CNTNAP2: variants seen among roughly 807,000 people sequenced by gnomAD.
CNTNAP2 encodes the protein contactin associated protein 2.
A neutral mutation model predicts 155.2 loss-of-function variants in CNTNAP2; 98 were observed. The observed-to-expected ratio is 0.63, with a 90% confidence interval of 0.54 to 0.75. The LOEUF (loss-of-function observed/expected upper bound fraction) is 0.75, where lower values mean the gene tolerates loss of function less well. Ranked by LOEUF, CNTNAP2 falls within the 30% of genes least tolerant of loss-of-function variation. The pLI, the probability that CNTNAP2 is intolerant of heterozygous loss-of-function variation, is 0.00. For missense variants in CNTNAP2, 1,727 were observed against 1,688.1 expected (o/e 1.02, Z -0.40); for synonymous variants, 651 against 631.2 (o/e 1.03, Z -0.47).
intron 9 of CNTNAP2, among the ~76,000 whole-genome samples, chr7:147,308,048 G>A (rs916331527): frequency 6.6e-6 from 1 of 152,128 alleles, no homozygotes; most frequent in African/African-American, 2.4e-5. Context: ...TTCTTGGGAG[G>A]GGATTGAGGA....
intron 15 of CNTNAP2, among the ~76,000 whole-genome samples, chr7:148,094,463 T>TG (rs755556079): frequency 9.3e-4 from 141 of 152,292 alleles, no homozygotes; most frequent in Non-Finnish European, 2.0e-3. Context: ...ATTTGTGATG[T>TG]GTGTTGCTAA....
In CNTNAP2 at chr7:147,344,061, A is replaced by G. The variant is rs1024875642; in HGVS notation, c.1498+43771A>G. Among the ~76,000 whole-genome samples, 15 of 149,568 alleles carry G rather than the reference A, an allele frequency of 1.0e-4. 1 individual carries two copies. The highest frequency in any genetic ancestry group is 3.4e-3 in the Middle Eastern group (1 of 294). ...GTAGATGATTTGCTGAGGCTAAGGG[A>G]GGTTAAGCGACTCTGAAAAGATACC... On this transcript the variant is annotated intron_variant, in intron 9 of 23. Coordinates refer to ENST00000361727, the MANE Select transcript of CNTNAP2 (RefSeq NM_014141.6).
At chr7:147,857,335 A>G (rs1435274436) in intron 13 of CNTNAP2, among the ~76,000 whole-genome samples, 1 of 152,212 alleles carries the variant, frequency 6.6e-6, no homozygotes, top group Non-Finnish European at 1.5e-5. Context: ...TCAGTCTTTT[A>G]AAATGGGTTT....
chr7:146,925,715 A>G (rs908676651), intron 3 of CNTNAP2, among the ~76,000 whole-genome samples: 1 of 152,170 alleles, frequency 6.6e-6, no homozygotes, highest in African/African-American at 2.4e-5. Context: ...TCTAAGCTCT[A>G]TTAAATTCCA....
chr7:147,749,081 G>C (rs1797093208), intron 13 of CNTNAP2, among the ~76,000 whole-genome samples: 1 of 152,082 alleles, frequency 6.6e-6, no homozygotes, highest in Non-Finnish European at 1.5e-5. Context: ...AAATGCAATT[G>C]GTTATACAAT....
At chr7:146,628,742 G>A (rs555197143) in intron 1 of CNTNAP2, among the ~76,000 whole-genome samples, 1 of 152,168 alleles carries the variant, frequency 6.6e-6, no homozygotes, top group East Asian at 1.9e-4. Flanking sequence ...AAGTATATGA[G>A]CACAGAAGGA....
chr7:147,525,947 C>A (rs1310367911), intron 11 of CNTNAP2, among the ~76,000 whole-genome samples: 2 of 152,030 alleles, frequency 1.3e-5, no homozygotes. Flanking sequence ...AATCCCAGCA[C>A]TTCGGAAGGT....
chr7:146,651,119 CCTCTTAACTCATT>C (rs1323426847), intron 1 of CNTNAP2, among the ~76,000 whole-genome samples: 1 of 151,976 alleles, frequency 6.6e-6, no homozygotes, highest in Non-Finnish European at 1.5e-5. Context: ...AATTCTAAAC[CCTCTTAACTCATT>C]CTCTGAGCTC....
chr7:146,185,840 T>G (rs2116843556), intron 1 of CNTNAP2, among the ~76,000 whole-genome samples: 1 of 151,262 alleles, frequency 6.6e-6, no homozygotes, highest in Non-Finnish European at 1.5e-5. Flanking sequence ...AAACCATGCA[T>G]GGGTATTTGG....
chr7:148,212,341 T>C (rs1175886864), intron 18 of CNTNAP2, among the ~76,000 whole-genome samples: 1 of 152,206 alleles, frequency 6.6e-6, no homozygotes, highest in Non-Finnish European at 1.5e-5. Context: ...ATTTGTCTAC[T>C]TGAAGGTTAA....
At position 147,646,008 on chromosome 7, in the gene CNTNAP2, T is replaced by C. The variant is rs564138077; in HGVS notation, c.2098+6702T>C. 9.2e-5 allele frequency among the ~76,000 whole-genome samples: 14 copies of C among 152,308 alleles called. No individual in the cohort carries two copies. In the South Asian group the frequency reaches 2.5e-3, roughly 27 times the overall value. On this transcript the variant is annotated intron_variant, in intron 13 of 23. Coordinates refer to ENST00000361727, the MANE Select transcript of CNTNAP2 (RefSeq NM_014141.6). ...AACAGAATGATTTCAAGTAGGGAAG[T>C]TCTGGCTGTTCCATGGATACTGGAG...
intron 15 of CNTNAP2, among the ~76,000 whole-genome samples, chr7:148,100,272 T>TC (rs78937985): frequency 0.061 from 9,249 of 152,266 alleles, 324 homozygotes; most frequent in Non-Finnish European, 0.07. Flanking sequence ...AACAAATAAA[T>TC]CAATGAACGA....
chr7:146,994,555 T>G (rs1798272587), intron 3 of CNTNAP2, among the ~76,000 whole-genome samples: 1 of 152,102 alleles, frequency 6.6e-6, no homozygotes, highest in Admixed American at 6.5e-5. Flanking sequence ...GCTAAATGAG[T>G]GACTCACATA....
intron 1 of CNTNAP2, among the ~76,000 whole-genome samples, chr7:146,588,714 G>T (rs932372457): frequency 3.9e-5 from 6 of 152,080 alleles, no homozygotes; most frequent in Middle Eastern, 3.4e-3. Flanking sequence ...TTGCCCTGTT[G>T]CCCAGGCTGG....
intron 1 of CNTNAP2, among the ~76,000 whole-genome samples, chr7:146,669,031 C>A (rs753579289): frequency 6.6e-6 from 1 of 152,028 alleles, no homozygotes; most frequent in Non-Finnish European, 1.5e-5. Context: ...CCTGCATATT[C>A]TATAAATATC....
chr7:146,120,268 T>A (rs1443030189), intron 1 of CNTNAP2, among the ~76,000 whole-genome samples: 1 of 152,092 alleles, frequency 6.6e-6, no homozygotes, highest in East Asian at 1.9e-4. Context: ...ATGAAAACAA[T>A]TTAAACTTAA....
intron 1 of CNTNAP2, among the ~76,000 whole-genome samples, chr7:146,423,309 T>TC (rs1796039544): frequency 6.6e-6 from 1 of 152,164 alleles, no homozygotes; most frequent in Non-Finnish European, 1.5e-5. Context: ...TTTTTTTGTT[T>TC]CCTTAGCTGT....
chr7:146,909,173 C>A (rs1796218038), intron 3 of CNTNAP2, among the ~76,000 whole-genome samples: 1 of 151,794 alleles, frequency 6.6e-6, no homozygotes, highest in South Asian at 2.1e-4. Flanking sequence ...AGTTTACCAA[C>A]CAAAAAGAGT....
At chr7:146,453,427 G>A (rs1038776741) in intron 1 of CNTNAP2, among the ~76,000 whole-genome samples, 2 of 152,146 alleles carry the variant, frequency 1.3e-5, no homozygotes, top group Non-Finnish European at 1.5e-5. Flanking sequence ...GACCCAAAAT[G>A]TTTCCAAGTA....
Sources: gnomAD v4.1 joint callset for allele counts (sites outside exome capture counted in the v4.1 genomes callset) on GRCh38, gnomAD v4.1.1 for gene constraint, MANE v1.5 for transcripts, NCBI Gene and HGNC (gene_info 2026-07-23, HGNC 2026-07-21) for gene names.